Variants in LRRC49 observed in about 807,000 individuals in gnomAD.
LRRC49 encodes leucine rich repeat containing 49, also known as leucine-rich repeat-containing protein 49.
In LRRC49, 50 loss-of-function variants were observed where a neutral mutation model predicts 83.3. That is an observed-to-expected ratio of 0.60 (90% CI 0.48 to 0.76). The LOEUF (loss-of-function observed/expected upper bound fraction) is 0.76. Ranked by LOEUF, LRRC49 falls within the 30% of genes least tolerant of loss-of-function variation. The pLI is 0.00. For missense variants in LRRC49, 704 were observed against 809.1 expected, an observed-to-expected ratio of 0.87 and a Z score of 1.58; for synonymous variants, 286 against 283.3, an observed-to-expected ratio of 1.01 and a Z score of -0.10.
chr15:70,981,595 A>AT (rs34781684), intron 10 of LRRC49, among the ~76,000 whole-genome samples: 1 of 151,846 alleles, frequency 6.6e-6, no homozygotes, highest in African/African-American at 2.4e-5. Flanking sequence ...TTGCTTTTCT[A>AT]TTTTTTTTAT....
chr15:71,016,245 G>A (rs560202166), intron 14 of LRRC49, among the ~76,000 whole-genome samples: 12 of 151,740 alleles, frequency 7.9e-5, no homozygotes, highest in African/African-American at 2.7e-4. Flanking sequence ...TTTTAAAAAA[G>A]CATTTAAAAA....
chr15:70,854,740 TG>T (rs2032609096), intron 1 of LRRC49, among the ~76,000 whole-genome samples: 1 of 152,122 alleles, frequency 6.6e-6, no homozygotes, highest in Non-Finnish European at 1.5e-5. Context: ...CCGGGGAACT[TG>T]TTAGAAATTG....
At chr15:71,018,940 G>A (rs190475889) in intron 14 of LRRC49, among the ~76,000 whole-genome samples, 43 of 152,144 alleles carry the variant, frequency 2.8e-4, no homozygotes, top group South Asian at 1.2e-3. Flanking sequence ...ACATTTACCC[G>A]TTTATTATAA....
intron 14 of LRRC49, among the ~76,000 whole-genome samples, chr15:71,036,645 C>A (rs2039528615): frequency 6.6e-6 from 1 of 152,104 alleles, no homozygotes; most frequent in African/African-American, 2.4e-5. Context: ...ATATTTAACC[C>A]CTACTAGAAT....
chr15:70,909,337 C>T (rs933272283), intron 5 of LRRC49, among the ~76,000 whole-genome samples: 4 of 152,108 alleles, frequency 2.6e-5, no homozygotes, highest in Non-Finnish European at 5.9e-5. Flanking sequence ...TTTACAAGCA[C>T]TCTGGGTGAT....
At chr15:70,932,094 G>A (rs1416665642) in intron 7 of LRRC49, among the ~76,000 whole-genome samples, 1 of 152,078 alleles carries the variant, frequency 6.6e-6, no homozygotes, top group Non-Finnish European at 1.5e-5. Flanking sequence ...TTTTTGCTCT[G>A]GGGTATTAAA....
chr15:70,891,808 G>C (rs1188313492), upstream of LRRC49: 15 of 1,499,032 alleles, frequency 1.0e-5, no homozygotes, highest in Non-Finnish European at 1.3e-5. Flanking sequence ...CCAGAGTCCA[G>C]GGGTCCTTAC....
At chr15:70,943,798 T>G (rs1351836649) in intron 8 of LRRC49, among the ~76,000 whole-genome samples, 1 of 152,168 alleles carries the variant, frequency 6.6e-6, no homozygotes, top group Non-Finnish European at 1.5e-5. Context: ...CAGTTTCAGG[T>G]TTTTTTCTAT....
At chr15:70,927,611 C>T (rs572495584) in intron 7 of LRRC49, among the ~76,000 whole-genome samples, 1 of 152,140 alleles carries the variant, frequency 6.6e-6, no homozygotes, top group Admixed American at 6.5e-5. Flanking sequence ...ATAGTTTTAC[C>T]TTTCTATTTA....
intron 12 of LRRC49, among the ~76,000 whole-genome samples, chr15:71,009,269 A>G (rs1412567747): frequency 6.6e-6 from 1 of 151,886 alleles, no homozygotes; most frequent in African/African-American, 2.4e-5. Context: ...AAGAGCATCT[A>G]GATTCACAGA....
At chr15:70,933,541 T>C (rs2035490376) in intron 7 of LRRC49, among the ~76,000 whole-genome samples, 1 of 152,216 alleles carries the variant, frequency 6.6e-6, no homozygotes, top group Admixed American at 6.5e-5. Context: ...ATTTCCACTT[T>C]CCCTGTCATT....
intron 5 of LRRC49, 120 bp from the exon 6 acceptor site, chr15:70,911,412 A>G (rs557454650): frequency 5.6e-5 from 27 of 486,486 alleles, no homozygotes; most frequent in Non-Finnish European, 9.3e-5. Context: ...GAATATATAT[A>G]TAACTATATA....
At chr15:70,961,137 G>T (rs1315527684) in intron 8 of LRRC49, among the ~76,000 whole-genome samples, 1 of 152,094 alleles carries the variant, frequency 6.6e-6, no homozygotes, top group Non-Finnish European at 1.5e-5. Context: ...ACACAAAGAA[G>T]ATACATGGAT....
intron 1 of LRRC49, among the ~76,000 whole-genome samples, chr15:70,858,013 A>G (rs1283613413): frequency 6.6e-6 from 1 of 152,224 alleles, no homozygotes; most frequent in African/African-American, 2.4e-5. Context: ...CAGATTAGAC[A>G]CTCAGTGTAT....
intron 6 of LRRC49, among the ~76,000 whole-genome samples, chr15:70,917,838 A>G (rs1407815563): frequency 6.6e-6 from 1 of 152,182 alleles, no homozygotes; most frequent in Non-Finnish European, 1.5e-5. Flanking sequence ...CCTGGGACCC[A>G]CAGAATTTGG....
At chr15:70,959,161 C>T (rs1260347530) in intron 8 of LRRC49, among the ~76,000 whole-genome samples, 1 of 152,112 alleles carries the variant, frequency 6.6e-6, no homozygotes, top group African/African-American at 2.4e-5. Context: ...CCAAGGTGCC[C>T]TGTGGTATTA....
At chr15:70,995,938 T>G (rs558184607) in intron 11 of LRRC49, among the ~76,000 whole-genome samples, 1 of 152,082 alleles carries the variant, frequency 6.6e-6, no homozygotes, top group South Asian at 2.1e-4. Flanking sequence ...GAGAAAGAGT[T>G]TGGGAGAGAT....
intron 1 of LRRC49, among the ~76,000 whole-genome samples, chr15:70,872,382 G>A (rs1048635463): frequency 2.0e-5 from 3 of 151,710 alleles, no homozygotes; most frequent in Admixed American, 6.6e-5. Context: ...GAGGGAGACC[G>A]CGGAAAGTGG....
chr15:70,936,424 G>A (rs1318552096), intron 7 of LRRC49: 1 of 209,290 alleles, frequency 4.8e-6, no homozygotes, highest in African/African-American at 2.3e-5. Context: ...TTTAACAAAT[G>A]TTTGATCATA....
Sources: gnomAD v4.1 joint callset for allele counts (sites outside exome capture counted in the v4.1 genomes callset) on GRCh38, gnomAD v4.1.1 for gene constraint, MANE v1.5 for transcripts, NCBI Gene and HGNC (gene_info 2026-07-23, HGNC 2026-07-21) for gene names.